CCSER1: variants seen among roughly 807,000 people sequenced by gnomAD.
CCSER1 encodes serine-rich coiled-coil domain-containing protein 1.
CCSER1 carries 41 observed loss-of-function variants against 82.0 expected under a neutral mutation model. The ratio of observed to expected loss-of-function variants is 0.50; its 90% CI spans 0.39 to 0.65. The LOEUF (loss-of-function observed/expected upper bound fraction) is 0.65. CCSER1 is among the 30% of genes least tolerant of loss of function. The pLI, the probability that CCSER1 is intolerant of heterozygous loss-of-function variation, is 0.00. For synonymous variants in CCSER1, 414 were observed against 383.9 expected (o/e 1.08, Z -0.92); for missense variants, 1,119 against 1,064.2 (o/e 1.05, Z -0.72).
chr4:90,271,845 TATATATATA>T (rs1726414245), intron 1 of CCSER1, among the ~76,000 whole-genome samples: 1 of 23,896 alleles, frequency 4.2e-5, no homozygotes, highest in East Asian at 1.7e-3. Flanking sequence ...TATATATATA[TATATATATA>T]TATATATATT....
intron 10 of CCSER1, among the ~76,000 whole-genome samples, chr4:91,177,979 T>A (rs940203017): frequency 6.6e-6 from 1 of 152,222 alleles, no homozygotes; most frequent in African/African-American, 2.4e-5. Flanking sequence ...CATACCGCTT[T>A]AAATGTGTCC....
chr4:91,143,273 C>G (rs1188112235), intron 10 of CCSER1, among the ~76,000 whole-genome samples: 1 of 150,044 alleles, frequency 6.7e-6, no homozygotes, highest in Non-Finnish European at 1.5e-5. Context: ...TTTTATTTGG[C>G]TCTCAACTTG....
At chr4:90,362,469 A>T (rs1296050496) in intron 3 of CCSER1, among the ~76,000 whole-genome samples, 1 of 152,234 alleles carries the variant, frequency 6.6e-6, no homozygotes, top group Non-Finnish European at 1.5e-5. Flanking sequence ...TAATCAATAC[A>T]TAAATTCTTT....
chr4:90,639,813 T>A (rs1332945097), intron 6 of CCSER1, among the ~76,000 whole-genome samples: 1 of 152,126 alleles, frequency 6.6e-6, no homozygotes, highest in Non-Finnish European at 1.5e-5. Context: ...AATGTATGTG[T>A]CAAGCAGAAA....
intron 6 of CCSER1, among the ~76,000 whole-genome samples, chr4:90,710,152 A>C (rs1307853213): frequency 2.0e-5 from 3 of 151,844 alleles, no homozygotes; most frequent in Non-Finnish European, 4.4e-5. Flanking sequence ...TCTTCTTGTA[A>C]ATTTGTTTAA....
At chr4:90,930,201 G>T (rs1329373235) in intron 9 of CCSER1, among the ~76,000 whole-genome samples, 2 of 152,104 alleles carry the variant, frequency 1.3e-5, no homozygotes, top group Non-Finnish European at 2.9e-5. Context: ...CTCATAGATT[G>T]CTACCTTTAT....
At chr4:90,920,027 A>G (rs1728143263) in intron 8 of CCSER1, among the ~76,000 whole-genome samples, 1 of 151,914 alleles carries the variant, frequency 6.6e-6, no homozygotes, top group Non-Finnish European at 1.5e-5. Flanking sequence ...CTACAAATTG[A>G]GTTGTTTTAA....
chr4:90,699,096 A>G (rs867707278), intron 6 of CCSER1, among the ~76,000 whole-genome samples: 7 of 152,140 alleles, frequency 4.6e-5, no homozygotes, highest in South Asian at 2.1e-4. Flanking sequence ...CTGAGACCCT[A>G]TCTCAAAACA....
At chr4:90,521,068 T>G (rs1560651762) in intron 5 of CCSER1, among the ~76,000 whole-genome samples, 1 of 152,198 alleles carries the variant, frequency 6.6e-6, no homozygotes, top group Non-Finnish European at 1.5e-5. Context: ...TTCTAGGAGT[T>G]GATTCTTTTT....
rs116212296 is a variant in CCSER1 at position 90,661,041 on chromosome 4, T to C, written c.1932+32809T>C. Reference sequence around the variant, plus strand: ...TGCTGTACAGTGTTTCTCATGGTGCTTGCAATAAAGGAAGCAACATTCGCT... The same window carrying C: ...TGCTGTACAGTGTTTCTCATGGTGCCTGCAATAAAGGAAGCAACATTCGCT... On this transcript the variant is annotated intron_variant, in intron 6 of 10. Coordinates refer to ENST00000509176, the MANE Select transcript of CCSER1 (RefSeq NM_001145065.2). 7.0e-3 allele frequency among the ~76,000 whole-genome samples: 1,070 copies of C among 152,296 alleles called. 15 individuals are homozygous for C. The highest frequency in any genetic ancestry group is 0.024 in the African/African-American group (1,011 of 41,572).
At chr4:91,245,948 G>A (rs968509154) in intron 10 of CCSER1, among the ~76,000 whole-genome samples, 1 of 152,042 alleles carries the variant, frequency 6.6e-6, no homozygotes, top group African/African-American at 2.4e-5. Context: ...CACCCACCTC[G>A]GCCTCCCAAA....
intron 9 of CCSER1, among the ~76,000 whole-genome samples, chr4:90,947,616 A>G (rs907788780): frequency 6.6e-6 from 1 of 152,164 alleles, no homozygotes; most frequent in African/African-American, 2.4e-5. Context: ...AACTATTAAA[A>G]CAGTCATACT....
intron 10 of CCSER1, among the ~76,000 whole-genome samples, chr4:91,432,054 C>T (rs865961289): frequency 7.9e-5 from 12 of 152,202 alleles, no homozygotes; most frequent in Middle Eastern, 6.8e-3. Flanking sequence ...CTATGCTGTT[C>T]TCATGATAGT....
chr4:90,990,746 T>C (rs1020569228), intron 9 of CCSER1, among the ~76,000 whole-genome samples: 2 of 151,846 alleles, frequency 1.3e-5, no homozygotes, highest in African/African-American at 4.8e-5. Flanking sequence ...GAACAGGTCT[T>C]CTGTTTATCT....
chr4:90,186,844 T>C (rs533929784), intron 1 of CCSER1, among the ~76,000 whole-genome samples: 15 of 151,962 alleles, frequency 9.9e-5, no homozygotes, highest in Admixed American at 2.0e-4. Context: ...TCCTGGTTTT[T>C]CCCCCCCATG....
chr4:91,151,044 G>A (rs1306219808), intron 10 of CCSER1, among the ~76,000 whole-genome samples: 1 of 152,112 alleles, frequency 6.6e-6, no homozygotes, highest in Non-Finnish European at 1.5e-5. Flanking sequence ...AGAAGGAATG[G>A]TAGCAGCTCC....
intron 10 of CCSER1, among the ~76,000 whole-genome samples, chr4:91,296,449 TTA>T (rs72475346): frequency 0.53 from 49,692 of 93,926 alleles, 11,199 homozygotes; most frequent in East Asian, 0.66. Context: ...GTGTCTAACA[TTA>T]TATATATATA....
At chr4:91,095,961 A>G (rs1724467448) in intron 10 of CCSER1, among the ~76,000 whole-genome samples, 1 of 152,170 alleles carries the variant, frequency 6.6e-6, no homozygotes, top group Non-Finnish European at 1.5e-5. Context: ...TGTGTTAAAG[A>G]TGTACATGAG....
chr4:90,661,161 C>A (rs1730700989), intron 6 of CCSER1, among the ~76,000 whole-genome samples: 1 of 152,152 alleles, frequency 6.6e-6, no homozygotes, highest in East Asian at 1.9e-4. Context: ...TCCTGCCTTT[C>A]TCAAACTCCA....
Sources: gnomAD v4.1 joint callset for allele counts (sites outside exome capture counted in the v4.1 genomes callset) on GRCh38, gnomAD v4.1.1 for gene constraint, MANE v1.5 for transcripts, NCBI Gene and HGNC (gene_info 2026-07-23, HGNC 2026-07-21) for gene names.